NUP210L: variants seen among roughly 807,000 people sequenced by gnomAD.
The protein encoded by NUP210L is nuclear pore membrane glycoprotein 210-like.
A neutral mutation model predicts 208.5 loss-of-function variants in NUP210L; 74 were observed. That is an observed-to-expected ratio of 0.35 (90% CI 0.29 to 0.43). NUP210L has a LOEUF of 0.43. Among genes scored for constraint, NUP210L ranks in the 20% least tolerant of loss-of-function variants. NUP210L has a pLI of 1.00. For synonymous variants in NUP210L, 780 were observed against 816.9 expected (o/e 0.95, Z 0.77); for missense variants, 1,843 against 2,289.4 (o/e 0.81, Z 3.98).
chr1:154,129,397 A>G (rs747056206), intron 7 of NUP210L, 52 bp from the exon 8 acceptor site: 1 of 1,034,912 alleles, frequency 9.7e-7, no homozygotes, highest in Non-Finnish European at 1.5e-6. Context: ...TGAAAAGGTG[A>G]GGTACCAAAG....
intron 5 of NUP210L, 88 bp from the exon 6 acceptor site, chr1:154,138,326 T>A: frequency 1.7e-6 from 2 of 1,200,820 alleles, no homozygotes; most frequent in Non-Finnish European, 2.3e-6. Context: ...TTACTTCTTT[T>A]AAACTTCTTT....
chr1:154,106,317 TG>T (rs1257405310), intron 12 of NUP210L, among the ~76,000 whole-genome samples: 1 of 152,132 alleles, frequency 6.6e-6, no homozygotes, highest in African/African-American at 2.4e-5. Context: ...TCTTGCAGCT[TG>T]GGTGCCAGCT....
intron 7 of NUP210L, among the ~76,000 whole-genome samples, chr1:154,130,330 C>A (rs1285598982): frequency 2.0e-5 from 3 of 151,758 alleles, no homozygotes; most frequent in Admixed American, 6.6e-5. Context: ...TAGAGTGCAA[C>A]AGCATGATCT....
At chr1:154,124,661 A>G (rs1557993869) in intron 10 of NUP210L, among the ~76,000 whole-genome samples, 1 of 152,136 alleles carries the variant, frequency 6.6e-6, no homozygotes, top group Non-Finnish European at 1.5e-5. Flanking sequence ...AATTAATAGT[A>G]CTCTATGCAC....
intron 10 of NUP210L, among the ~76,000 whole-genome samples, chr1:154,121,450 C>CATT (rs1346288868): frequency 6.6e-6 from 1 of 152,080 alleles, no homozygotes; most frequent in East Asian, 1.9e-4. Context: ...CTGTAGTCCC[C>CATT]ATTATGTAGT....
chr1:154,089,482 G>A (rs776920370), exon 16 of NUP210L: 1 of 1,614,120 alleles, frequency 6.2e-7, no homozygotes. Context: ...CTTGTATACT[G>A]GAGTTACTGA....
intron 16 of NUP210L, among the ~76,000 whole-genome samples, chr1:154,083,637 GA>G (rs919838635): frequency 6.6e-5 from 10 of 152,062 alleles, no homozygotes; most frequent in Admixed American, 3.3e-4. Flanking sequence ...GATGTGTGGG[GA>G]AAAAACCCAT....
chr1:154,095,841 G>A (rs2148055313), intron 14 of NUP210L, among the ~76,000 whole-genome samples: 1 of 152,316 alleles, frequency 6.6e-6, no homozygotes, highest in South Asian at 2.1e-4. Context: ...ATTCAGTATA[G>A]AGAAGTTGTA....
chr1:154,139,694 A>C (rs573931675), intron 5 of NUP210L, 108 bp downstream of exon 5: 61 of 871,004 alleles, frequency 7.0e-5, no homozygotes, highest in South Asian at 1.6e-4. Flanking sequence ...AAACAAAAAA[A>C]AAAAAAAAAC....
intron 10 of NUP210L, among the ~76,000 whole-genome samples, chr1:154,121,132 A>G (rs1208068502): frequency 1.1e-4 from 16 of 152,138 alleles, no homozygotes; most frequent in Admixed American, 9.8e-4. Context: ...CACATTTAGC[A>G]ACAATGATCA....
At chr1:154,077,141 G>A (rs950656192) in intron 16 of NUP210L, among the ~76,000 whole-genome samples, 108 of 152,136 alleles carry the variant, frequency 7.1e-4, no homozygotes, top group African/African-American at 2.4e-3. Context: ...TTGGGGGGCC[G>A]AGGCAGGTGG....
At chr1:154,042,736 C>G (rs1453494732) in intron 27 of NUP210L, among the ~76,000 whole-genome samples, 3 of 145,564 alleles carry the variant, frequency 2.1e-5, no homozygotes, top group African/African-American at 5.2e-5. Context: ...CCTTTTTTTT[C>G]TTGAGACAAG....
chr1:154,091,375 T>C (rs1223430066), intron 15 of NUP210L, among the ~76,000 whole-genome samples: 2 of 151,922 alleles, frequency 1.3e-5, no homozygotes, highest in African/African-American at 2.4e-5. Context: ...GGATTACAAG[T>C]GTGAGCCACT....
intron 2 of NUP210L, among the ~76,000 whole-genome samples, chr1:154,150,690 T>G (rs998643185): frequency 7.1e-6 from 1 of 140,076 alleles, no homozygotes; most frequent in South Asian, 2.2e-4. Context: ...ATCGCGCCAT[T>G]GCACTCCAGC....
chr1:154,030,871 A>G (rs1286703402), intron 27 of NUP210L, among the ~76,000 whole-genome samples: 1 of 151,980 alleles, frequency 6.6e-6, no homozygotes, highest in Non-Finnish European at 1.5e-5. Context: ...AGCCGGGACC[A>G]CAAGCATGTG....
intron 27 of NUP210L, among the ~76,000 whole-genome samples, chr1:154,044,029 A>T (rs1203478819): frequency 1.3e-5 from 2 of 152,080 alleles, no homozygotes; most frequent in South Asian, 2.1e-4. Flanking sequence ...TGCTTTACAT[A>T]AAAAAAATTA....
exon 40 of NUP210L, chr1:153,992,807 A>G (rs1252456941): frequency 3.5e-6 from 5 of 1,445,434 alleles, no homozygotes; most frequent in African/African-American, 2.9e-5. Flanking sequence ...ATTCCCCTGC[A>G]GTTAAGAGAA....
At chr1:154,076,296 G>T (rs570250985) in intron 16 of NUP210L, among the ~76,000 whole-genome samples, 15 of 151,096 alleles carry the variant, frequency 9.9e-5, no homozygotes, top group Non-Finnish European at 2.1e-4. Context: ...TAGAGACAGG[G>T]TTTCATCAGA....
rs192022403 is a variant in NUP210L at position 154,117,345 on chromosome 1, C to T, written c.1620+380G>A. On this transcript the variant is annotated intron_variant, in intron 12 of 39. Transcript: ENST00000368559. ...CCTGTAATCCCAGCACTTTGGGAGG[C>T]CGAGGCAGGCAGATCACCTGAGGTC... is the stretch of plus-strand genomic sequence containing the variant. 2.6e-3 allele frequency among the ~76,000 whole-genome samples: 391 copies of T among 152,228 alleles called. 6 individuals are homozygous for T. The highest frequency in any genetic ancestry group is 7.7e-4 in the East Asian group (4 of 5,174).
Sources: allele counts gnomAD v4.1 joint callset (sites outside exome capture counted in the v4.1 genomes callset), GRCh38; gene constraint gnomAD v4.1.1; transcripts MANE v1.5; gene names NCBI Gene and HGNC (gene_info 2026-07-23, HGNC 2026-07-21).